NBEA: variants seen among roughly 807,000 people sequenced by gnomAD.
The protein encoded by NBEA is lysosomal-trafficking regulator 2.
In NBEA, 44 loss-of-function variants were observed where a neutral mutation model predicts 343.4. The observed-to-expected ratio is 0.13, with a 90% CI of 0.10 to 0.16. The LOEUF (loss-of-function observed/expected upper bound fraction) is 0.16, where lower values mean the gene tolerates loss of function less well. NBEA is among the 10% of genes least tolerant of loss of function. The pLI, the probability that NBEA is intolerant of heterozygous loss-of-function variation, is 1.00. For synonymous variants in NBEA, 1,175 were observed against 1,238.7 expected, an observed-to-expected ratio of 0.95 and a Z score of 1.08; for missense variants, 2,555 against 3,631.3, an observed-to-expected ratio of 0.70 and a Z score of 7.62.
intron 56 of NBEA, 143 bp from the exon 57 acceptor site, chr13:35,667,231 C>T (rs758167950): frequency 9.3e-6 from 6 of 647,618 alleles, no homozygotes; most frequent in Non-Finnish European, 1.4e-5. Flanking sequence ...GTAGCATCAG[C>T]GCTTGGCCTG....
At chr13:35,250,020 G>C (rs2031764772) in intron 34 of NBEA, among the ~76,000 whole-genome samples, 1 of 152,112 alleles carries the variant, frequency 6.6e-6, no homozygotes, top group Admixed American at 6.5e-5. Flanking sequence ...GTTATCTAGA[G>C]TAGTCAAATT....
chr13:35,579,021 A>C (rs550217504), intron 45 of NBEA, among the ~76,000 whole-genome samples: 1 of 151,940 alleles, frequency 6.6e-6, no homozygotes, highest in Non-Finnish European at 1.5e-5. Flanking sequence ...TCATGTTGGC[A>C]TGCAAAAGGT....
At chr13:35,623,980 G>C (rs2083110913) in intron 48 of NBEA, among the ~76,000 whole-genome samples, 1 of 151,882 alleles carries the variant, frequency 6.6e-6, no homozygotes, top group African/African-American at 2.4e-5. Context: ...TTCATGTACG[G>C]CTATAAATAT....
chr13:35,510,709 A>C (rs756324428), intron 41 of NBEA, among the ~76,000 whole-genome samples: 1 of 152,258 alleles, frequency 6.6e-6, no homozygotes, highest in Non-Finnish European at 1.5e-5. Flanking sequence ...GCATCTGACT[A>C]GGTACCAAAC....
chr13:35,643,964 G>A (rs2084094360), intron 49 of NBEA, among the ~76,000 whole-genome samples: 1 of 152,202 alleles, frequency 6.6e-6, no homozygotes, highest in African/African-American at 2.4e-5. Flanking sequence ...AAGAAAGATA[G>A]TAGGTGCTCA....
chr13:35,643,900 T>C (rs9574293), intron 49 of NBEA, among the ~76,000 whole-genome samples: 59,769 of 151,920 alleles, frequency 0.39, 12,076 homozygotes, highest in East Asian at 0.56. Flanking sequence ...AGAAAGTCAT[T>C]GATGACCCCC....
At chr13:35,058,900 G>A (rs2063361940) in intron 8 of NBEA, 37 bp downstream of exon 8, 1 of 1,492,476 alleles carries the variant, frequency 6.7e-7, no homozygotes, top group Non-Finnish European at 9.1e-7. Context: ...TCTATGGAGA[G>A]TTTTAGATGT....
intron 38 of NBEA, among the ~76,000 whole-genome samples, chr13:35,380,142 T>C (rs557769876): frequency 6.6e-6 from 1 of 152,242 alleles, no homozygotes; most frequent in African/African-American, 2.4e-5. Context: ...GTGATTTCTC[T>C]TGGTAATACT....
chr13:35,265,463 C>T (rs1315783434), intron 34 of NBEA, among the ~76,000 whole-genome samples: 2 of 151,710 alleles, frequency 1.3e-5, no homozygotes, highest in East Asian at 1.9e-4. Flanking sequence ...GACTGCAAAA[C>T]ATACTACAAA....
chr13:35,132,521 T>C (rs2067485264), intron 17 of NBEA, among the ~76,000 whole-genome samples: 1 of 152,202 alleles, frequency 6.6e-6, no homozygotes, highest in African/African-American at 2.4e-5. Flanking sequence ...AGCTGATGAA[T>C]GGACAAACAA....
At chr13:35,015,715 A>G (rs1308910394) in intron 1 of NBEA, among the ~76,000 whole-genome samples, 1 of 152,108 alleles carries the variant, frequency 6.6e-6, no homozygotes, top group Non-Finnish European at 1.5e-5. Flanking sequence ...ATATTTTAGT[A>G]TATATTTAAA....
intron 38 of NBEA, among the ~76,000 whole-genome samples, chr13:35,398,867 T>C (rs1192850065): frequency 6.6e-6 from 1 of 152,136 alleles, no homozygotes; most frequent in Non-Finnish European, 1.5e-5. Context: ...CCTTTGAAGC[T>C]TTAAAGCCAA....
In NBEA at chr13:35,159,839, G is replaced by T; in HGVS notation, c.3668G>T (p.Arg1223Ile). 1 of 1,608,540 alleles carries T rather than the reference G, an allele frequency of 6.2e-7. No individual in the cohort carries two copies. Among genetic ancestry groups the T allele is most frequent in the South Asian group, 1.1e-5 (1 of 90,134 alleles). The part of the protein sequence containing the change: ...TSDGMSSISE[R>I]DLASSTKGLE... ...GATGGAATGAGCAGTATTTCTGAAA[G>T]AGACTTAGCGTCATCAACTAAGGGG... The change falls in exon 22 of 59, where the codon AGA becomes ATA. Residue 1223 changes from arginine (R) to isoleucine (I), a missense_variant. Transcript: ENST00000379939.
intron 39 of NBEA, among the ~76,000 whole-genome samples, chr13:35,447,537 A>T (rs1181748116): frequency 6.6e-6 from 1 of 152,042 alleles, no homozygotes; most frequent in Non-Finnish European, 1.5e-5. Context: ...GAGTGCTTTC[A>T]TGGGTTATTT....
intron 34 of NBEA, among the ~76,000 whole-genome samples, chr13:35,252,328 C>T (rs2032075335): frequency 6.6e-6 from 1 of 152,336 alleles, no homozygotes; most frequent in Non-Finnish European, 1.5e-5. Context: ...ATGATTCAGT[C>T]AGCTCTGCCA....
chr13:35,460,128 T>C (rs1165696499), intron 40 of NBEA, among the ~76,000 whole-genome samples: 1 of 152,212 alleles, frequency 6.6e-6, no homozygotes, highest in Non-Finnish European at 1.5e-5. Flanking sequence ...GGGGAAAATA[T>C]CTCTTAAACA....
At chr13:34,949,287 T>A (rs983970098) in intron 1 of NBEA, among the ~76,000 whole-genome samples, 7 of 152,208 alleles carry the variant, frequency 4.6e-5, no homozygotes, top group African/African-American at 1.7e-4. Context: ...GCTATGAGAC[T>A]GAAACTTAAA....
chr13:35,010,621 G>A (rs1343254606), intron 1 of NBEA, among the ~76,000 whole-genome samples: 2 of 146,228 alleles, frequency 1.4e-5, no homozygotes, highest in South Asian at 2.2e-4. Flanking sequence ...GGTGGCTCGT[G>A]CCTGTAATCC....
At chr13:34,980,507 A>G (rs1204969713) in intron 1 of NBEA, among the ~76,000 whole-genome samples, 2 of 151,372 alleles carry the variant, frequency 1.3e-5, no homozygotes, top group African/African-American at 4.9e-5. Flanking sequence ...TATGGTTGGA[A>G]TGATGGTGTT....
Sources: allele counts gnomAD v4.1 joint callset (sites outside exome capture counted in the v4.1 genomes callset), GRCh38; gene constraint gnomAD v4.1.1; transcripts MANE v1.5; gene names NCBI Gene and HGNC (gene_info 2026-07-23, HGNC 2026-07-21).